FAAH: variants seen among roughly 807,000 people sequenced by gnomAD.
FAAH encodes fatty-acid amide hydrolase 1.
Under a neutral mutation model 69.7 loss-of-function variants are expected in FAAH, and 63 were observed. The ratio of observed to expected loss-of-function variants is 0.90; its 90% confidence interval spans 0.74 to 1.12. The LOEUF is 1.12. Among genes scored for constraint, FAAH ranks in the 50% most tolerant of loss-of-function variants. The pLI is 0.00. For missense variants in FAAH, 680 were observed against 755.0 expected (o/e 0.90, Z 1.16); for synonymous variants, 305 against 324.2 (o/e 0.94, Z 0.64).
At position 46,408,228 on chromosome 1, in the gene FAAH, G is replaced by T. The variant is rs75314998; in HGVS notation, c.952-231G>T. 2.0e-3 allele frequency among the ~76,000 whole-genome samples: 298 copies of T among 152,280 alleles called. 5 individuals carry two copies. The Middle Eastern group carries it at 0.037, about 19-fold the overall frequency. On this transcript the variant is annotated intron_variant, in intron 7 of 14. Transcript: ENST00000243167. ...CAGTCCCACCTAATCTCCCTATTGA[G>T]ACCTCAAGCCTCAGTTTCCTCATAT...
Position 46,410,151 on chromosome 1 carries a change from A to T in FAAH, c.1176-247A>T, listed in dbSNP as rs1664884816. ...GTTGCCCTCAGTTCTTAGAGCTCTG[A>T]GCTGGGTTTGCTGGAGAGGGATACC... On this transcript the variant is annotated intron_variant, in intron 9 of 14. Transcript: ENST00000243167. The surrounding 1 kb of genome is among the most constrained non-coding windows in gnomAD (Gnocchi z 4.9). 2 of 511,342 alleles carry T rather than the reference A, an allele frequency of 3.9e-6. No individual in the cohort carries two copies. The highest frequency in any genetic ancestry group is 4.2e-5 in the South Asian group (2 of 47,556). 31.7% of individuals were successfully genotyped at this position (511,342 alleles called of 1,614,324 possible).
intron 13 of FAAH, 43 bp downstream of exon 13, chr1:46,412,294 A>G (rs1394582595): frequency 2.0e-6 from 3 of 1,487,256 alleles, no homozygotes; most frequent in Non-Finnish European, 1.8e-6. Context: ...GAATCTGGCC[A>G]TGTGCCCTGC....
Position 46,411,611 on chromosome 1 carries a change from G to C in FAAH, c.1317-1G>C. 1 of 1,614,024 alleles carries C rather than the reference G, an allele frequency of 6.2e-7. No homozygotes were observed. Among genetic ancestry groups the C allele is most frequent in the Non-Finnish European group, 8.5e-7 (1 of 1,179,972 alleles). On this transcript the variant is annotated splice_acceptor_variant, in intron 11 of 14. Coordinates refer to ENST00000243167, the MANE Select transcript of FAAH (RefSeq NM_001441.3). LOFTEE classifies it high-confidence loss of function. This position sits in a 1 kb window ranked among gnomAD's most constrained non-coding sequence, Gnocchi z 4.8. ...CTGGTGACCACACTCCTTCTGCCCAGTTCGGCTGGAAAACTCTGGGAACTG... is the reference window on the plus strand; with the variant it reads ...CTGGTGACCACACTCCTTCTGCCCACTTCGGCTGGAAAACTCTGGGAACTG...
At chr1:46,409,876 C>T (rs573810669) in intron 9 of FAAH, among the ~76,000 whole-genome samples, 2 of 152,308 alleles carry the variant, frequency 1.3e-5, no homozygotes, top group African/African-American at 4.8e-5. Context: ...AGGGCCCAGC[C>T]TGTCATGTTC....
rs1442819657 is a variant in FAAH at position 46,404,469 on chromosome 1, T to A, written c.310-545T>A. Among the ~76,000 whole-genome samples the A allele has an allele frequency of 6.6e-6, 1 of 152,200 alleles. No homozygotes were observed. Among genetic ancestry groups the A allele is most frequent in the Non-Finnish European group, 1.5e-5 (1 of 68,020 alleles). ...TGTCAAGCTCCTACTCCACATGGCT[T>A]GATTATCAAATTCAAGATTTCCTGG... On this transcript the variant is annotated intron_variant, in intron 2 of 14. Coordinates refer to ENST00000243167, the MANE Select transcript of FAAH (RefSeq NM_001441.3). This position sits in a 1 kb window ranked among gnomAD's most constrained non-coding sequence, Gnocchi z 4.5.
intron 8 of FAAH, 36 bp downstream of exon 8, chr1:46,408,620 C>T (rs752656804): frequency 1.2e-6 from 2 of 1,613,858 alleles, no homozygotes; most frequent in Non-Finnish European, 8.5e-7. Context: ...CTGGCATCTC[C>T]TCCCCTCACG....
Position 46,406,250 on chromosome 1 carries a change from T to C in FAAH, c.833T>C (p.Leu278Pro). 1 of 1,614,040 alleles carries C rather than the reference T, an allele frequency of 6.2e-7. No homozygotes were observed. The highest frequency in any genetic ancestry group is 8.5e-7 in the Non-Finnish European group (1 of 1,180,038). ...TCACCTCTCTGCCCCACAGTGCGTC[T>C]CTCCGTGGGCCCCATGGCCCGGGAC... is the stretch of plus-strand genomic sequence containing the variant. ...GCVYGQEAVRLSVGPMARDVE... is the reference protein window; with the variant it reads ...GCVYGQEAVRPSVGPMARDVE... Residue 278 changes from leucine (L) to proline (P), a missense_variant, in exon 7 of 15, where the codon CTC becomes CCC. Leu to Pro is a moderately conservative substitution (Grantham distance 98, BLOSUM62 -3). Transcript: ENST00000243167.
intron 7 of FAAH, 126 bp from the exon 8 acceptor site, chr1:46,408,333 G>A: frequency 1.6e-6 from 2 of 1,257,550 alleles, no homozygotes; most frequent in Non-Finnish European, 2.3e-6. Context: ...GATGCAGAAG[G>A]GGCTGGCCTC....
At position 46,411,170 on chromosome 1, in the gene FAAH, G is replaced by A. The variant is rs1471308513; in HGVS notation, c.1316+316G>A. Among the ~76,000 whole-genome samples, 5 of 152,216 alleles carry A rather than the reference G, an allele frequency of 3.3e-5. No homozygotes were observed. Among genetic ancestry groups the A allele is most frequent in the South Asian group, 2.1e-4 (1 of 4,834 alleles). On this transcript the variant is annotated intron_variant, in intron 11 of 14. Transcript: ENST00000243167. This position sits in a 1 kb window ranked among gnomAD's most constrained non-coding sequence, Gnocchi z 4.8. ...GGCCTGGGCCAAGGGTGGGGCACCCGGGAGAGATGCCACTGTTAGAGATCT... is the reference window on the plus strand; with the variant it reads ...GGCCTGGGCCAAGGGTGGGGCACCCAGGAGAGATGCCACTGTTAGAGATCT...
intron 1 of FAAH, among the ~76,000 whole-genome samples, chr1:46,396,422 A>G (rs537412627): frequency 6.6e-6 from 1 of 151,796 alleles, no homozygotes; most frequent in East Asian, 1.9e-4. Context: ...CTCAGCACAG[A>G]CCCTTTACGG....
rs1664918284 is a variant in FAAH at position 46,411,746 on chromosome 1, A to G, written c.1356+95A>G. 3.0e-5 allele frequency: 41 copies of G among 1,385,514 alleles called. No individual in the cohort carries two copies. Among genetic ancestry groups the G allele is most frequent in the Non-Finnish European group, 4.1e-5 (41 of 988,928 alleles). 85.8% of individuals were successfully genotyped at this position (1,385,514 alleles called of 1,614,324 possible). ...GCAGTGTCTCGTGGCCACTGCCCCC[A>G]TGGGGCTCCTAGACTGGCCTGTCAT... On this transcript the variant is annotated intron_variant, in intron 12 of 14. Transcript: ENST00000243167. This position sits in a 1 kb window ranked among gnomAD's most constrained non-coding sequence, Gnocchi z 4.8.
rs756577562 is a variant in FAAH, at chr1:46,405,555, T to C, written c.579-33T>C. Reference sequence around the variant, plus strand: ...CGGGGCAGGGGCACCGGTCCCAGCATGGCACGGGCTGACCCATTCTTGGCT... The same window carrying C: ...CGGGGCAGGGGCACCGGTCCCAGCACGGCACGGGCTGACCCATTCTTGGCT... On this transcript the variant is annotated intron_variant, in intron 4 of 14. Coordinates refer to ENST00000243167, the MANE Select transcript of FAAH (RefSeq NM_001441.3). This position sits in a 1 kb window ranked among gnomAD's most constrained non-coding sequence, Gnocchi z 4.1. 1.3e-5 allele frequency: 21 copies of C among 1,613,152 alleles called. No homozygotes were observed. The South Asian group carries it at 2.2e-4, about 17-fold the overall frequency.
At chr1:46,396,089 T>C (rs970918348) in intron 1 of FAAH, among the ~76,000 whole-genome samples, 1 of 151,782 alleles carries the variant, frequency 6.6e-6, no homozygotes, top group African/African-American at 2.4e-5. Flanking sequence ...GGCAGGACTA[T>C]AGGGTAATGG....
rs773617904 is a variant in FAAH at position 46,405,166 on chromosome 1, G to A, written c.444+18G>A. The A allele has an allele frequency of 1.1e-5, 18 of 1,613,490 alleles. No individual in the cohort carries two copies. The highest frequency in any genetic ancestry group is 2.2e-5 in the East Asian group (1 of 44,874). On this transcript the variant is annotated intron_variant, in intron 3 of 14. Transcript: ENST00000243167. This position sits in a 1 kb window ranked among gnomAD's most constrained non-coding sequence, Gnocchi z 4.1. ...CCTACAAGGTATGCTCTGCCTCAGC[G>A]CCAGGCCTCCATCGTCCCCTCCATC...
In FAAH at chr1:46,394,424, G is replaced by T. The variant is rs1664559206; in HGVS notation, c.76G>T (p.Ala26Ser). 6.8e-7 allele frequency: 1 copy of T among 1,469,494 alleles called. No homozygotes were observed. Among genetic ancestry groups the T allele is most frequent in the Non-Finnish European group, 9.0e-7 (1 of 1,114,206 alleles). 91.0% of individuals were successfully genotyped at this position (1,469,494 alleles called of 1,614,324 possible). Residue 26 changes from alanine to serine, a missense_variant, in exon 1 of 15, where the codon GCC becomes TCC. Physicochemically the swap from Ala to Ser is moderately conservative, Grantham distance 99. Transcript: ENST00000243167. ...CCTGGCCTGCTGCTTCGTGGCGGCG[G>T]CCGTGGCCCTGCGCTGGTCCGGGCG... ...VALACCFVAA[A>S]VALRWSGRRT...
chr1:46,407,603 CTCTCTG>C (rs1479440822), intron 7 of FAAH, among the ~76,000 whole-genome samples: 1 of 151,848 alleles, frequency 6.6e-6, no homozygotes, highest in Non-Finnish European at 1.5e-5. Context: ...TACTCTCTCT[CTCTCTG>C]TCTCTGTGTG....
At chr1:46,406,595 T>TC (rs1664802026) in intron 7 of FAAH, among the ~76,000 whole-genome samples, 1 of 145,804 alleles carries the variant, frequency 6.9e-6, no homozygotes, top group African/African-American at 2.6e-5. Flanking sequence ...TTTTTTTTTT[T>TC]TTTTTGAGAC....
Position 46,413,505 on chromosome 1 carries a change from A to G in FAAH, c.1670A>G (p.Gln557Arg). The G allele has an allele frequency of 6.2e-7, 1 of 1,614,090 alleles. No homozygotes were observed. The highest frequency in any genetic ancestry group is 8.5e-7 in the Non-Finnish European group (1 of 1,179,990). The change falls in exon 15 of 15, where the codon CAA becomes CGA. Residue 557 changes from glutamine (Q) to arginine (R), a missense_variant. By Grantham distance (43) the Gln-to-Arg change is conservative. Coordinates refer to ENST00000243167, the MANE Select transcript of FAAH (RefSeq NM_001441.3). ...GTGCAGTGTGTGGCTCTGCCCTGGC[A>G]AGAAGAGTTGTGTCTGCGGTTCATG... ...VAVQCVALPW[Q>R]EELCLRFMRE...
rs199835847 is a variant in FAAH, at chr1:46,410,482, C to G, written c.1260C>G (p.Phe420Leu). Reference protein sequence around the residue: ...LPQWLKGLLAFLVKPLLPRLS... With the variant: ...LPQWLKGLLALLVKPLLPRLS... Reference sequence around the variant, plus strand: ...AATGGCTTAAAGGACTGCTGGCCTTCCTGGTGAAGCCTCTGGTGAGGGCAC... The same window carrying G: ...AATGGCTTAAAGGACTGCTGGCCTTGCTGGTGAAGCCTCTGGTGAGGGCAC... The change falls in exon 10 of 15, where the codon TTC (phenylalanine) becomes TTG (leucine). Residue 420 changes from phenylalanine (F) to leucine (L), a missense_variant. Coordinates refer to ENST00000243167, the MANE Select transcript of FAAH (RefSeq NM_001441.3). The surrounding 1 kb of genome is among the most constrained non-coding windows in gnomAD (Gnocchi z 4.9). 6.2e-7 allele frequency: 1 copy of G among 1,614,022 alleles called. No individual in the cohort carries two copies. Among genetic ancestry groups the G allele is most frequent in the South Asian group, 1.1e-5 (1 of 91,086 alleles).
Sources: allele counts gnomAD v4.1 joint callset (sites outside exome capture counted in the v4.1 genomes callset), GRCh38; gene constraint gnomAD v4.1.1; non-coding constraint Gnocchi (gnomAD v3.1); transcripts MANE v1.5; gene names NCBI Gene and HGNC (gene_info 2026-07-23, HGNC 2026-07-21).